Variants in RAVER1 observed in about 807,000 individuals in gnomAD.
The protein encoded by RAVER1 is ribonucleoprotein PTB-binding 1.
In RAVER1, 36 loss-of-function variants were observed where a neutral mutation model predicts 68.4. The observed-to-expected ratio is 0.53, with a 90% CI of 0.40 to 0.70. The LOEUF is 0.70. Ranked by LOEUF, RAVER1 falls within the 30% of genes least tolerant of loss-of-function variation. RAVER1 has a pLI of 0.00. For synonymous variants in RAVER1, 469 were observed against 472.7 expected, an observed-to-expected ratio of 0.99 and a Z score of 0.10; for missense variants, 933 against 1,019.8, an observed-to-expected ratio of 0.91 and a Z score of 1.16.
Position 10,333,520 on chromosome 19 carries a change from G to C in RAVER1, c.-13C>G, listed in dbSNP as rs754446056. 1.9e-6 allele frequency: 3 copies of C among 1,592,404 alleles called. No homozygotes were observed. The highest frequency in any genetic ancestry group is 2.6e-6 in the Non-Finnish European group (3 of 1,170,770). On this transcript the variant is annotated 5_prime_UTR_variant, in exon 1 of 13. Transcript: ENST00000617231. The surrounding 1 kb of genome is among the most constrained non-coding windows in gnomAD (Gnocchi z 4.2). The stretch of plus-strand genomic sequence containing the variant: ...CGTCCGCCGCCATCTTGGGAAACCC[G>C]GCGCCTTCTGGGACCAGCGAGCCGG...
Position 10,321,725 on chromosome 19 carries a change from C to G in RAVER1, c.1174-107G>C, listed in dbSNP as rs10164293. On this transcript the variant is annotated intron_variant, in intron 6 of 12. Coordinates refer to ENST00000617231, the MANE Select transcript of RAVER1 (RefSeq NM_133452.3). ...ACACACCCCAACTCCAGGGCACGGCCGATCCTGGGCAGACAGGCACAGGGT... is the reference window on the plus strand; with the variant it reads ...ACACACCCCAACTCCAGGGCACGGCGGATCCTGGGCAGACAGGCACAGGGT... 5 of 829,044 alleles carry G rather than the reference C, an allele frequency of 6.0e-6. No individual in the cohort carries two copies. In the African/African-American group the frequency reaches 8.8e-5, roughly 15 times the overall value. 51.4% of individuals were successfully genotyped at this position (829,044 alleles called of 1,614,324 possible). A position where few individuals can be genotyped will look rare whatever the true frequency, so the allele number is the denominator to read the frequency against.
Position 10,333,221 on chromosome 19 carries a change from C to T in RAVER1, c.219+68G>A. 6.8e-7 allele frequency: 1 copy of T among 1,468,470 alleles called. No homozygotes were observed. The highest frequency in any genetic ancestry group is 1.4e-5 in the African/African-American group (1 of 71,472). 91.0% of individuals were successfully genotyped at this position (1,468,470 alleles called of 1,614,324 possible). ...CCCGCGCACCTCAGCGTTGGTGTCG[C>T]CCGGTTCCCCCCGCGCACGCGCACC... On this transcript the variant is annotated intron_variant, in intron 1 of 12. Coordinates refer to ENST00000617231, the MANE Select transcript of RAVER1 (RefSeq NM_133452.3). The surrounding 1 kb of genome is among the most constrained non-coding windows in gnomAD (Gnocchi z 4.2).
At chr19:10,332,398 G>A (rs535717273) in intron 1 of RAVER1, among the ~76,000 whole-genome samples, 9 of 152,174 alleles carry the variant, frequency 5.9e-5, no homozygotes, top group Non-Finnish European at 1.3e-4. Flanking sequence ...AGAGACTGCA[G>A]ACACTGAGAG....
At position 10,333,317 on chromosome 19, in the gene RAVER1, C is replaced by G; in HGVS notation, c.191G>C (p.Arg64Pro). ...QFRNRRKILI[R>P]GLPGDVTNQE... ...GTTGGTCACGTCCCCCGGGAGGCCC[C>G]GGATCAGTATCTTGCGGCGGTTACG... Residue 64 changes from arginine to proline, a missense_variant, in exon 1 of 13, where the codon CGG becomes CCG. By Grantham distance (103) the Arg-to-Pro change is moderately radical (BLOSUM62 -2). Coordinates refer to ENST00000617231, the MANE Select transcript of RAVER1 (RefSeq NM_133452.3). This position sits in a 1 kb window ranked among gnomAD's most constrained non-coding sequence, Gnocchi z 4.2. The G allele has an allele frequency of 6.2e-7, 1 of 1,613,882 alleles. No individual in the cohort carries two copies. The highest frequency in any genetic ancestry group is 8.5e-7 in the Non-Finnish European group (1 of 1,179,794).
At chr19:10,324,370 C>T (rs1034270455) in intron 3 of RAVER1, among the ~76,000 whole-genome samples, 37 of 152,082 alleles carry the variant, frequency 2.4e-4, no homozygotes, top group African/African-American at 8.7e-4. Flanking sequence ...CATAACCAAA[C>T]CTGTCGGCTT....
At chr19:10,331,375 A>T (rs1215072721) in intron 1 of RAVER1, among the ~76,000 whole-genome samples, 8 of 130,858 alleles carry the variant, frequency 6.1e-5, no homozygotes, top group East Asian at 2.1e-4. Flanking sequence ...AAAAAAAAAA[A>T]AAAAAAAATA....
At chr19:10,321,448 G>A in intron 7 of RAVER1, 83 bp downstream of exon 7, 2 of 1,161,488 alleles carry the variant, frequency 1.7e-6, no homozygotes, top group Non-Finnish European at 2.2e-6. Flanking sequence ...GGACCCAGAG[G>A]TTGGGTCACT....
At chr19:10,331,846 TCTG>T (rs2040521084) in intron 1 of RAVER1, among the ~76,000 whole-genome samples, 1 of 152,086 alleles carries the variant, frequency 6.6e-6, no homozygotes, top group African/African-American at 2.4e-5. Flanking sequence ...AGTGAAGAGA[TCTG>T]CTGGAGGCCA....
At chr19:10,325,746 G>A (rs559953458) in intron 3 of RAVER1, among the ~76,000 whole-genome samples, 11 of 152,148 alleles carry the variant, frequency 7.2e-5, no homozygotes, top group South Asian at 6.2e-4. Context: ...CCAGGAGGTC[G>A]AGGCCGGAGT....
Position 10,322,810 on chromosome 19 carries a change from C to CTGAA in RAVER1, c.1079-75_1079-72dup. On this transcript the variant is annotated intron_variant, in intron 5 of 12. Transcript: ENST00000617231. The surrounding 1 kb of genome is among the most constrained non-coding windows in gnomAD (Gnocchi z 4.3). ...CTGCCCCACCTCACGAAACACAGCC[C>CTGAA]TGAACCCATTGATGGGGCAGGAAAC... 5 of 936,420 alleles carry CTGAA rather than the reference C, an allele frequency of 5.3e-6. No homozygotes were observed. Among genetic ancestry groups the CTGAA allele is most frequent in the Non-Finnish European group, 7.6e-6 (5 of 656,132 alleles). The allele number at this position is 936,420 out of a possible 1,614,324, so 58.0% of individuals were successfully genotyped here.
chr19:10,328,768 G>A lies in RAVER1; in HGVS notation c.630C>T (p.Ala210=), dbSNP rs752714299. ...PRTLYVHWTD[A]GQLTPALLHS... Reference sequence around the variant, plus strand: ...GGAGAAGGGCAGGCGTCAGTTGCCCGGCATCCGTCCAGTGCACGTAGAGGG... The same window carrying A: ...GGAGAAGGGCAGGCGTCAGTTGCCCAGCATCCGTCCAGTGCACGTAGAGGG... The change falls in exon 3 of 13, where the codon GCC becomes GCT. Residue 210 remains alanine, a synonymous_variant. Transcript: ENST00000617231. This position sits in a 1 kb window ranked among gnomAD's most constrained non-coding sequence, Gnocchi z 4.4. 3.5e-5 allele frequency: 56 copies of A among 1,612,864 alleles called. No individual in the cohort carries two copies. The highest frequency in any genetic ancestry group is 3.3e-4 in the Middle Eastern group (2 of 6,082).
chr19:10,329,086 C>T lies in RAVER1; in HGVS notation c.312G>A (p.Glu104=), dbSNP rs1489934490. 2 of 1,495,802 alleles carry T rather than the reference C, an allele frequency of 1.3e-6. No homozygotes were observed. Among genetic ancestry groups the T allele is most frequent in the South Asian group, 2.7e-5 (2 of 73,552 alleles). The allele number at this position is 1,495,802 out of a possible 1,614,324, so 92.7% of individuals were successfully genotyped here. The change falls in exon 3 of 13, where the codon GAG becomes GAA. Residue 104 remains glutamate, a synonymous_variant. Transcript: ENST00000617231. The surrounding 1 kb of genome is among the most constrained non-coding windows in gnomAD (Gnocchi z 4.6). ...AAGCATTGATTGCGGCCTCGGCCTG[C>T]TCCCCATTCAGCAGGGTCACGAAGG... ...GTAFVTLLNG[E]QAEAAINAFH...
chr19:10,318,365 G>A lies in RAVER1; in HGVS notation c.1853C>T (p.Pro618Leu). 6.3e-7 allele frequency: 1 copy of A among 1,598,242 alleles called. No individual in the cohort carries two copies. The highest frequency in any genetic ancestry group is 8.5e-7 in the Non-Finnish European group (1 of 1,174,500). Residue 618 changes from proline (P) to leucine (L), a missense_variant, in exon 11 of 13, where the codon CCC becomes CTC. Pro to Leu is a moderately conservative substitution (Grantham distance 98). Coordinates refer to ENST00000617231, the MANE Select transcript of RAVER1 (RefSeq NM_133452.3). ...PHGPSRHKMS[P>L]PPSGFGERSS... is the part of the protein sequence containing the mutation. The stretch of plus-strand genomic sequence containing the variant: ...CCGTTCGCCGAAGCCACTGGGCGGG[G>A]GGGACATCTGTAGAAGAAGGGCCGG...
chr19:10,328,419 CG>C lies in RAVER1; in HGVS notation c.756+222del, dbSNP rs765557699. ...TATAAAAATTATCCAGGCATGGGGG[CG>C]GGGCGCCTATAATCCCAGCTACTCT... On this transcript the variant is annotated intron_variant, in intron 3 of 12. Coordinates refer to ENST00000617231, the MANE Select transcript of RAVER1 (RefSeq NM_133452.3). This position sits in a 1 kb window ranked among gnomAD's most constrained non-coding sequence, Gnocchi z 4.4. 3.2e-4 allele frequency among the ~76,000 whole-genome samples: 49 copies of C among 152,030 alleles called. No individual in the cohort carries two copies. The highest frequency in any genetic ancestry group is 6.5e-4 in the Non-Finnish European group (44 of 68,010).
In RAVER1 at chr19:10,328,009, AG is replaced by A. The variant is rs1320875130; in HGVS notation, c.756+632del. On this transcript the variant is annotated intron_variant, in intron 3 of 12. Transcript: ENST00000617231. This position sits in a 1 kb window ranked among gnomAD's most constrained non-coding sequence, Gnocchi z 4.4. ...ATGGAGGAGGGAAACTGCAGATCAG[AG>A]AGCCAGTGACTGGCCCGAGCTCGAG... Among the ~76,000 whole-genome samples the A allele has an allele frequency of 1.1e-5, 1 of 90,158 alleles. No individual in the cohort carries two copies. The highest frequency in any genetic ancestry group is 9.5e-5 in the Admixed American group (1 of 10,544). The allele number at this position is 90,158 out of a possible 152,430, so 59.1% of individuals were successfully genotyped here. A position where few individuals can be genotyped will look rare whatever the true frequency, so the allele number is the denominator to read the frequency against.
chr19:10,319,324 A>G, intron 9 of RAVER1, 84 bp from the exon 10 acceptor site: 1 of 1,351,136 alleles, frequency 7.4e-7, no homozygotes, highest in Non-Finnish European at 1.0e-6. Flanking sequence ...AGCTGTCATC[A>G]GGGAAGACAG....
chr19:10,320,097 G>A (rs916185701), intron 9 of RAVER1, among the ~76,000 whole-genome samples: 2 of 152,188 alleles, frequency 1.3e-5, no homozygotes, highest in Admixed American at 6.6e-5. Flanking sequence ...GGGAGAGAAA[G>A]ACAGACGCAG....
rs144215312 is a variant in RAVER1, at chr19:10,319,003, C to G, written c.1845+163G>C. 4.5e-4 allele frequency among the ~76,000 whole-genome samples: 69 copies of G among 152,228 alleles called. 1 individual carries two copies. In the East Asian group the frequency reaches 0.011, roughly 24 times the overall value. On this transcript the variant is annotated intron_variant, in intron 10 of 12. Transcript: ENST00000617231. Reference sequence around the variant, plus strand: ...GAGGCCACAGTGAGCTATCATGGAGCCACTGCACTCCAGCCTGGGCAACAC... The same window carrying G: ...GAGGCCACAGTGAGCTATCATGGAGGCACTGCACTCCAGCCTGGGCAACAC...
Position 10,316,358 on chromosome 19 carries a change from G to A in RAVER1, c.*1096C>T. On this transcript the variant is annotated 3_prime_UTR_variant, in exon 13 of 13. Coordinates refer to ENST00000617231, the MANE Select transcript of RAVER1 (RefSeq NM_133452.3). ...AAGCTGGTGGCCCAGTTGGCTGGGG[G>A]CAAGGCCCAGGGTCACCTCAGGTCG... is the stretch of plus-strand genomic sequence containing the variant. The A allele has an allele frequency of 1.8e-6, 2 of 1,112,370 alleles. No homozygotes were observed. The highest frequency in any genetic ancestry group is 2.5e-5 in the South Asian group (1 of 40,632). The allele number at this position is 1,112,370 out of a possible 1,614,324, so 68.9% of individuals were successfully genotyped here.
Sources: allele counts gnomAD v4.1 joint callset (sites outside exome capture counted in the v4.1 genomes callset), GRCh38; gene constraint gnomAD v4.1.1; non-coding constraint Gnocchi (gnomAD v3.1); transcripts MANE v1.5; gene names NCBI Gene and HGNC (gene_info 2026-07-23, HGNC 2026-07-21).